Variants in CCN6 observed in about 807,000 individuals in gnomAD.
The protein encoded by CCN6 is cellular communication network factor 6.
CCN6 carries 31 observed loss-of-function variants against 37.4 expected under a neutral mutation model. The ratio of observed to expected loss-of-function variants is 0.83; its 90% CI spans 0.62 to 1.12. The LOEUF is 1.12. Ranked by LOEUF, CCN6 falls within the 50% of genes most tolerant of loss-of-function variation. The pLI is 0.00. For missense variants in CCN6, 369 were observed against 413.8 expected (o/e 0.89, Z 0.94); for synonymous variants, 137 against 142.1 (o/e 0.96, Z 0.26).
At chr6:112,054,456 AG>A (rs782262876) in intron 1 of CCN6, 51 bp downstream of exon 1, 48 of 1,573,674 alleles carry the variant, frequency 3.1e-5, no homozygotes, top group Non-Finnish European at 3.4e-5. Flanking sequence ...GGCCATCCTT[AG>A]TTCTTCAGGC....
Position 112,054,755 on chromosome 6 carries a change from A to G in CCN6, c.48+350A>G, listed in dbSNP as rs1230926591. 1.1e-5 allele frequency: 3 copies of G among 274,778 alleles called. No individual in the cohort carries two copies. The Admixed American group carries it at 1.4e-4, about 13-fold the overall frequency. The allele number at this position is 274,778 out of a possible 1,614,324, so 17.0% of individuals were successfully genotyped here. A position where few individuals can be genotyped will look rare whatever the true frequency, so the allele number is the denominator to read the frequency against. ...GTCTCTCCATGCCAGCTCCAGGCGG[A>G]GGCTCAACTTTCCATTGCTGTTTGC... On this transcript the variant is annotated intron_variant, in intron 1 of 4. Coordinates refer to ENST00000368666, the MANE Select transcript of CCN6 (RefSeq NM_198239.2).
At chr6:112,068,751 T>C (rs587656841) in intron 4 of CCN6, among the ~76,000 whole-genome samples, 1 of 152,292 alleles carries the variant, frequency 6.6e-6, no homozygotes, top group South Asian at 2.1e-4. Flanking sequence ...TCCAAAATGC[T>C]CTATGCTTAC....
chr6:112,064,952 G>C lies in CCN6; in HGVS notation c.544G>C (p.Glu182Gln). 6.2e-7 allele frequency: 1 copy of C among 1,613,984 alleles called. No individual in the cohort carries two copies. Among genetic ancestry groups the C allele is most frequent in the Non-Finnish European group, 8.5e-7 (1 of 1,179,930 alleles). ...GTCTGATCAGTCAAACTGTAGCCTGGAACCATTACTACAGCAGCTTTCAAC... is the reference window on the plus strand; with the variant it reads ...GTCTGATCAGTCAAACTGTAGCCTGCAACCATTACTACAGCAGCTTTCAAC... ...KKSDQSNCSL[E>Q]PLLQQLSTSY... is the part of the protein sequence containing the mutation. The change falls in exon 3 of 5, where the codon GAA (glutamate) becomes CAA (glutamine). Residue 182 changes from glutamate to glutamine, a missense_variant. Transcript: ENST00000368666.
chr6:112,064,875 T>C lies in CCN6; in HGVS notation c.467T>C (p.Phe156Ser). 6.2e-7 allele frequency: 1 copy of C among 1,614,124 alleles called. No homozygotes were observed. The highest frequency in any genetic ancestry group is 8.5e-7 in the Non-Finnish European group (1 of 1,179,974). ...VSGAIGCTPL[F>S]IPKLAGSHCS... ...GGGGCCATTGGATGCACACCTCTGTTCATACCAAAGCTGGCTGGCAGTCAC... is the reference window on the plus strand; with the variant it reads ...GGGGCCATTGGATGCACACCTCTGTCCATACCAAAGCTGGCTGGCAGTCAC... Residue 156 changes from phenylalanine to serine, a missense_variant, in exon 3 of 5, where the codon TTC becomes TCC. By Grantham distance (155) the Phe-to-Ser change is radical. Transcript: ENST00000368666.
intron 4 of CCN6, 120 bp from the exon 5 acceptor site, chr6:112,069,219 A>G: frequency 8.6e-7 from 1 of 1,157,712 alleles, no homozygotes; most frequent in Non-Finnish European, 1.2e-6. Context: ...GGAAATCACT[A>G]CATAGCAACT....
upstream of CCN6, among the ~76,000 whole-genome samples, chr6:112,052,869 C>T (rs1776249607): frequency 2.6e-5 from 4 of 152,066 alleles, no homozygotes; most frequent in South Asian, 8.3e-4. Flanking sequence ...TTTAGGGTGT[C>T]CATGGTTCTC....
intron 3 of CCN6, among the ~76,000 whole-genome samples, chr6:112,065,926 T>C (rs951301886): frequency 1.3e-5 from 2 of 152,198 alleles, no homozygotes; most frequent in African/African-American, 4.8e-5. Flanking sequence ...CTTGTTCACA[T>C]CTCTGTGTTC....
chr6:112,069,481 A>C lies in CCN6; in HGVS notation c.926A>C (p.Lys309Thr), dbSNP rs782594917. 5.0e-6 allele frequency: 8 copies of C among 1,613,776 alleles called. No individual in the cohort carries two copies. The highest frequency in any genetic ancestry group is 6.8e-6 in the Non-Finnish European group (8 of 1,179,846). Residue 309 changes from lysine (K) to threonine (T), a missense_variant, in exon 5 of 5, where the codon AAG (lysine) becomes ACG (threonine). Lys to Thr is a moderately conservative substitution (Grantham distance 78). Coordinates refer to ENST00000368666, the MANE Select transcript of CCN6 (RefSeq NM_198239.2). ...GATAAGAGATGCTGTATCCCTAATAAGTCTAAAATGATTACTATTCAATTT... is the reference window on the plus strand; with the variant it reads ...GATAAGAGATGCTGTATCCCTAATACGTCTAAAATGATTACTATTCAATTT... ...CLDKRCCIPN[K>T]SKMITIQFDC... is the part of the protein sequence containing the mutation.
At chr6:112,057,069 G>A (rs1256620647) in intron 1 of CCN6, among the ~76,000 whole-genome samples, 1 of 152,144 alleles carries the variant, frequency 6.6e-6, no homozygotes, top group Non-Finnish European at 1.5e-5. Context: ...TTCAAAATTG[G>A]AAAGTTAAAG....
At chr6:112,065,601 A>AAAC (rs782199841) in intron 3 of CCN6, among the ~76,000 whole-genome samples, 41,645 of 144,082 alleles carry the variant, frequency 0.29, 5,917 homozygotes, top group African/African-American at 0.35. Flanking sequence ...CACACACACA[A>AAAC]ACACACACGC....
At chr6:112,058,597 A>AAAGATGAT (rs1776417761) in intron 1 of CCN6, among the ~76,000 whole-genome samples, 2 of 152,226 alleles carry the variant, frequency 1.3e-5, no homozygotes, top group East Asian at 3.8e-4. Context: ...CCTTTCTGGA[A>AAAGATGAT]AAGATGATAC....
rs71021870 is a variant in CCN6 at position 112,065,626 on chromosome 6, G to GCA, written c.589+646_589+647dup. Among the ~76,000 whole-genome samples the GCA allele has an allele frequency of 3.9e-3, 483 of 123,560 alleles. 1 individual carries two copies. Among genetic ancestry groups the GCA allele is most frequent in the South Asian group, 5.4e-3 (22 of 4,098 alleles). The allele number at this position is 123,560 out of a possible 152,430, so 81.1% of individuals were successfully genotyped here. ...AACACACACGCACACACACACGCACGCACACACACACACACACAAACACAC... is the reference window on the plus strand; with the variant it reads ...AACACACACGCACACACACACGCACGCACACACACACACACACACAAACACAC... On this transcript the variant is annotated intron_variant, in intron 3 of 4. Transcript: ENST00000368666.
intron 1 of CCN6, among the ~76,000 whole-genome samples, chr6:112,056,715 C>G (rs1019281179): frequency 1.1e-4 from 16 of 152,150 alleles, no homozygotes; most frequent in African/African-American, 3.9e-4. Context: ...TGGGGTTTTG[C>G]CATGTTGGCC....
At chr6:112,058,069 AT>A (rs1554312112) in intron 1 of CCN6, among the ~76,000 whole-genome samples, 3 of 152,066 alleles carry the variant, frequency 2.0e-5, no homozygotes, top group Non-Finnish European at 2.9e-5. Context: ...TGGAGGCAAA[AT>A]TTTTTTAAGT....
In CCN6 at chr6:112,061,186, C is replaced by T. The variant is rs1776509826; in HGVS notation, c.244C>T (p.Pro82Ser). 1 of 1,614,124 alleles carries T rather than the reference C, an allele frequency of 6.2e-7. No individual in the cohort carries two copies. Among genetic ancestry groups the T allele is most frequent in the East Asian group, 2.2e-5 (1 of 44,884 alleles). ...CGCCKICAKQ[P>S]GEICNEADLC... ...ATGCTGTAAAATCTGTGCCAAGCAA[C>T]CAGGGGAAATCTGCAATGAAGCTGA... The change falls in exon 2 of 5, where the codon CCA (proline) becomes TCA (serine). Residue 82 changes from proline to serine, a missense_variant. By Grantham distance (74) the Pro-to-Ser change is moderately conservative (BLOSUM62 -1). Coordinates refer to ENST00000368666, the MANE Select transcript of CCN6 (RefSeq NM_198239.2).
intron 1 of CCN6, among the ~76,000 whole-genome samples, chr6:112,057,331 C>A (rs921159294): frequency 3.9e-5 from 6 of 152,204 alleles, no homozygotes; most frequent in African/African-American, 9.7e-5. Flanking sequence ...CAGACATGTT[C>A]TTTAAAGAGA....
At chr6:112,054,481 A>C in intron 1 of CCN6, 76 bp downstream of exon 1, 1 of 1,383,702 alleles carries the variant, frequency 7.2e-7, no homozygotes, top group Non-Finnish European at 1.0e-6. Flanking sequence ...AAACTAAACA[A>C]AACGAAGATG....
chr6:112,068,179 T>G, intron 3 of CCN6, 26 bp from the exon 4 acceptor site: 1 of 1,558,270 alleles, frequency 6.4e-7, no homozygotes, highest in Non-Finnish European at 8.8e-7. Flanking sequence ...TATGTATACA[T>G]ATGTACTTTT....
Position 112,055,064 on chromosome 6 carries a change from A to G in CCN6, c.48+659A>G, listed in dbSNP as rs1018390118. 2.6e-5 allele frequency among the ~76,000 whole-genome samples: 4 copies of G among 152,336 alleles called. No homozygotes were observed. In the South Asian group the frequency reaches 8.3e-4, roughly 32 times the overall value. On this transcript the variant is annotated intron_variant, in intron 1 of 4. Coordinates refer to ENST00000368666, the MANE Select transcript of CCN6 (RefSeq NM_198239.2). The stretch of plus-strand genomic sequence containing the variant: ...AAGAAGATGAAAACAAGGTGACTTA[A>G]TTGTTGATTTATTTACACGGTAGAC...
Sources: allele counts gnomAD v4.1 joint callset (sites outside exome capture counted in the v4.1 genomes callset), GRCh38; gene constraint gnomAD v4.1.1; transcripts MANE v1.5; gene names NCBI Gene and HGNC (gene_info 2026-07-23, HGNC 2026-07-21).